Variants in PER3 observed in about 807,000 individuals in gnomAD.
The protein encoded by PER3 is period circadian protein homolog 3.
Under a neutral mutation model 127.2 loss-of-function variants are expected in PER3, and 107 were observed. The ratio of observed to expected loss-of-function variants is 0.84; its 90% CI spans 0.72 to 0.99. The LOEUF (loss-of-function observed/expected upper bound fraction) is 0.99, where lower values mean the gene tolerates loss of function less well. Ranked by LOEUF, PER3 falls within the 50% of genes least tolerant of loss-of-function variation. The pLI is 0.00. For synonymous variants in PER3, 618 were observed against 585.8 expected (o/e 1.05, Z -0.79); for missense variants, 1,560 against 1,525.8 (o/e 1.02, Z -0.37).
At chr1:7,811,371 C>T (rs2097218505) in intron 13 of PER3, 1 of 152,176 alleles carries the variant, frequency 6.6e-6, no homozygotes, top group African/African-American at 2.4e-5. Flanking sequence ...ATTTACACCA[C>T]AGAAAGTCAA....
Position 7,810,444 on chromosome 1 carries a change from T to C in PER3, c.1378T>C (p.Leu460=), listed in dbSNP as rs754628264. The change falls in exon 13 of 22, where the codon TTG becomes CTG. Residue 460 remains leucine, a synonymous_variant. Coordinates refer to ENST00000377532, the MANE Select transcript of PER3 (RefSeq NM_001377275.1). The part of the protein sequence containing the change: ...VEETKAEQMT[L]QQVYASVNKI... Reference sequence around the variant, plus strand: ...TATCATTCCTTTCCCTAAGATGACCTTGCAGCAGGTCTATGCCAGTGTGAA... The same window carrying C: ...TATCATTCCTTTCCCTAAGATGACCCTGCAGCAGGTCTATGCCAGTGTGAA... The C allele has an allele frequency of 1.3e-6, 2 of 1,596,394 alleles. No individual in the cohort carries two copies. The highest frequency in any genetic ancestry group is 2.2e-5 in the East Asian group (1 of 44,656).
Position 7,803,826 on chromosome 1 carries a change from A to G in PER3, c.1114A>G (p.Ile372Val), listed in dbSNP as rs1375262455. 1.2e-6 allele frequency: 2 copies of G among 1,613,684 alleles called. No individual in the cohort carries two copies. The highest frequency in any genetic ancestry group is 1.1e-5 in the South Asian group (1 of 90,942). ...NPWSRKISFIIGRHKVRTSPL... is the reference protein window; with the variant it reads ...NPWSRKISFIVGRHKVRTSPL... ...CTGGAGCCGGAAGATTTCTTTCATC[A>G]TTGGTCGGCATAAAGTTCGAACGTA... The change falls in exon 10 of 22, where the codon ATT becomes GTT. Residue 372 changes from isoleucine (I) to valine (V), a missense_variant. This residue lies in a region of PER3 where 1,332 missense variants were observed against 1,223.6 expected (regional missense o/e 1.09). Transcript: ENST00000377532.
intron 7 of PER3, among the ~76,000 whole-genome samples, chr1:7,799,997 C>G (rs1264909897): frequency 6.6e-6 from 1 of 151,894 alleles, no homozygotes; most frequent in African/African-American, 2.4e-5. Context: ...AGGCTGTTCT[C>G]GAACTCCTGG....
At chr1:7,842,641 A>G (rs1162140969) in intron 21 of PER3, 31 bp from the exon 22 acceptor site, 29 of 1,611,910 alleles carry the variant, frequency 1.8e-5, no homozygotes, top group Non-Finnish European at 2.4e-5. Context: ...ATTGACATCA[A>G]GTAACTCGCC....
intron 8 of PER3, 143 bp downstream of exon 8, chr1:7,801,334 G>A: frequency 7.2e-6 from 4 of 557,504 alleles, no homozygotes; most frequent in Admixed American, 3.6e-5. Flanking sequence ...ACATGGAAAT[G>A]TATGTTGTCT....
rs1440188424 is a variant in PER3, at chr1:7,827,724, C to T, written c.2795C>T (p.Pro932Leu). Reference protein sequence around the residue: ...HPFITSRSSSPLQLNLLQEEM... With the variant: ...HPFITSRSSSLLQLNLLQEEM... ...TTCATTACTTCGAGAAGCAGCTCAC[C>T]CTTGCAGTTAAACTTACTTCAGGAA... The change falls in exon 18 of 22, where the codon CCC becomes CTC. Residue 932 changes from proline (P) to leucine (L), a missense_variant. Pro to Leu is a moderately conservative substitution (Grantham distance 98, BLOSUM62 -3). Coordinates refer to ENST00000377532, the MANE Select transcript of PER3 (RefSeq NM_001377275.1). The T allele has an allele frequency of 6.8e-6, 11 of 1,613,962 alleles. No individual in the cohort carries two copies. In the Admixed American group the frequency reaches 1.5e-4, roughly 22 times the overall value.
rs1419241278 is a variant in PER3 at position 7,826,573 on chromosome 1, C to T, written c.2051C>T (p.Ala684Val). 3.1e-6 allele frequency: 5 copies of T among 1,612,026 alleles called. No homozygotes were observed. Among genetic ancestry groups the T allele is most frequent in the East Asian group, 4.5e-5 (2 of 44,872 alleles). The change falls in exon 17 of 22, where the codon GCG becomes GTG. Residue 684 changes from alanine (A) to valine (V), a missense_variant. Ala to Val is a moderately conservative substitution (Grantham distance 64, BLOSUM62 0). This residue lies in a region of PER3 where 1,332 missense variants were observed against 1,223.6 expected (regional missense o/e 1.09). Coordinates refer to ENST00000377532, the MANE Select transcript of PER3 (RefSeq NM_001377275.1). This position sits in a 1 kb window ranked among gnomAD's most constrained non-coding sequence, Gnocchi z 4.2. Reference sequence around the variant, plus strand: ...GAATTTAAACACGTGGGGCTCACAGCGGCTGTTCTGTCAGCGCACACCCAG... The same window carrying T: ...GAATTTAAACACGTGGGGCTCACAGTGGCTGTTCTGTCAGCGCACACCCAG... ...SEEFKHVGLT[A>V]AVLSAHTQKE...
chr1:7,799,058 C>G (rs867989325), intron 7 of PER3, among the ~76,000 whole-genome samples: 1 of 152,126 alleles, frequency 6.6e-6, no homozygotes, highest in African/African-American at 2.4e-5. Flanking sequence ...TTCTGAAACT[C>G]CCTGAGTAAA....
At position 7,826,086 on chromosome 1, in the gene PER3, C is replaced by T. The variant is rs11121032; in HGVS notation, c.1958-394C>T. On this transcript the variant is annotated intron_variant, in intron 16 of 21. Coordinates refer to ENST00000377532, the MANE Select transcript of PER3 (RefSeq NM_001377275.1). The surrounding 1 kb of genome is among the most constrained non-coding windows in gnomAD (Gnocchi z 4.2). ...GGAAACAAATGAGAACTAGACAGAGCGTGGACGGGGGTGAGGGGAATTTAC... is the reference window on the plus strand; with the variant it reads ...GGAAACAAATGAGAACTAGACAGAGTGTGGACGGGGGTGAGGGGAATTTAC... 3.1e-4 allele frequency among the ~76,000 whole-genome samples: 47 copies of T among 152,100 alleles called. No homozygotes were observed. The East Asian group carries it at 8.1e-3, about 26-fold the overall frequency.
intron 18 of PER3, among the ~76,000 whole-genome samples, chr1:7,829,529 C>T (rs372667349): frequency 3.9e-5 from 6 of 152,160 alleles, no homozygotes; most frequent in African/African-American, 1.2e-4. Context: ...AACACAAGCA[C>T]TATGATACCA....
rs1012298493 is a variant in PER3 at position 7,820,391 on chromosome 1, C to G, written c.1784-76C>G. On this transcript the variant is annotated intron_variant, in intron 15 of 21. Coordinates refer to ENST00000377532, the MANE Select transcript of PER3 (RefSeq NM_001377275.1). Reference sequence around the variant, plus strand: ...GGTTTAATTTCTCAGTTACAAACTTCTGTAAACTGGGTCTTTTATGTAAAT... The same window carrying G: ...GGTTTAATTTCTCAGTTACAAACTTGTGTAAACTGGGTCTTTTATGTAAAT... 58 of 1,473,630 alleles carry G rather than the reference C, an allele frequency of 3.9e-5. 1 individual carries two copies. Among genetic ancestry groups the G allele is most frequent in the Non-Finnish European group, 4.6e-6 (5 of 1,086,732 alleles). 91.3% of individuals were successfully genotyped at this position (1,473,630 alleles called of 1,614,324 possible). A position where few individuals can be genotyped will look rare whatever the true frequency, so the allele number is the denominator to read the frequency against.
chr1:7,820,695 T>G, intron 16 of PER3, 55 bp downstream of exon 16: 2 of 1,437,254 alleles, frequency 1.4e-6, no homozygotes, highest in Non-Finnish European at 1.9e-6. Context: ...TACATTGTGA[T>G]GAGAAAACAA....
At chr1:7,808,259 A>AAG (rs2097204532) in intron 10 of PER3, among the ~76,000 whole-genome samples, 1 of 146,428 alleles carries the variant, frequency 6.8e-6, no homozygotes, top group East Asian at 2.0e-4. Context: ...AAAAAAAAAA[A>AAG]CTAGTATAGT....
intron 5 of PER3, among the ~76,000 whole-genome samples, chr1:7,791,714 T>C (rs1357327950): frequency 6.6e-6 from 1 of 152,234 alleles, no homozygotes; most frequent in Non-Finnish European, 1.5e-5. Flanking sequence ...CTTTGCTGTT[T>C]AGAAATTTCT....
In PER3 at chr1:7,803,679, T is replaced by C. The variant is rs1254368152; in HGVS notation, c.980-13T>C. 3 of 1,511,868 alleles carry C rather than the reference T, an allele frequency of 2.0e-6. No homozygotes were observed. Among genetic ancestry groups the C allele is most frequent in the Non-Finnish European group, 2.7e-6 (3 of 1,104,688 alleles). 93.7% of individuals were successfully genotyped at this position (1,511,868 alleles called of 1,614,324 possible). A position where few individuals can be genotyped will look rare whatever the true frequency, so the allele number is the denominator to read the frequency against. On this transcript the variant is annotated splice_polypyrimidine_tract_variant and intron_variant, in intron 9 of 21. Transcript: ENST00000377532. ...TTAAGTAAATCCTATTTTTGTCTTA[T>C]TATTTTATATAGTTTTGAAGTATGC...
At chr1:7,813,218 G>A (rs776591907) in intron 13 of PER3, among the ~76,000 whole-genome samples, 1 of 152,178 alleles carries the variant, frequency 6.6e-6, no homozygotes, top group African/African-American at 2.4e-5. Context: ...AAGTGTCCAT[G>A]TCTAGGGTGA....
chr1:7,828,976 AG>A (rs1160295688), intron 18 of PER3, among the ~76,000 whole-genome samples: 2 of 152,208 alleles, frequency 1.3e-5, no homozygotes, highest in East Asian at 3.8e-4. Flanking sequence ...GGCATGTAGC[AG>A]GTACTGAGAA....
intron 5 of PER3, among the ~76,000 whole-genome samples, chr1:7,789,321 C>T (rs752616127): frequency 6.6e-5 from 10 of 152,026 alleles, no homozygotes; most frequent in South Asian, 4.2e-4. Flanking sequence ...TGGGAGGAAC[C>T]CAGTGGGAGA....
intron 6 of PER3, among the ~76,000 whole-genome samples, chr1:7,796,013 A>G (rs2097143700): frequency 6.6e-6 from 1 of 152,194 alleles, no homozygotes; most frequent in South Asian, 2.1e-4. Flanking sequence ...GTGGGGTTCA[A>G]AATGGTCCCA....
Sources: gnomAD v4.1 joint callset for allele counts (sites outside exome capture counted in the v4.1 genomes callset) on GRCh38, gnomAD v4.1.1 for gene constraint, gnomAD v4.1.1 regional missense constraint, Gnocchi (gnomAD v3.1) non-coding constraint, MANE v1.5 for transcripts, NCBI Gene and HGNC (gene_info 2026-07-23, HGNC 2026-07-21) for gene names.